Variants in PLPPR5 observed in about 807,000 individuals in gnomAD.
The protein encoded by PLPPR5 is phospholipid phosphatase-related protein type 5.
In PLPPR5, 16 loss-of-function variants were observed where a neutral mutation model predicts 33.9. The observed-to-expected ratio is 0.47, with a 90% confidence interval of 0.32 to 0.72. The LOEUF (loss-of-function observed/expected upper bound fraction) is 0.72, where lower values mean the gene tolerates loss of function less well. Ranked by LOEUF, PLPPR5 falls within the 30% of genes least tolerant of loss-of-function variation. The probability of loss-of-function intolerance (pLI) is 0.03; values close to 1 mark genes in which losing one functional copy is unlikely to be tolerated. For synonymous variants in PLPPR5, 163 were observed against 150.3 expected (o/e 1.08, Z -0.62); for missense variants, 301 against 406.7 (o/e 0.74, Z 2.23).
chr1:99,004,297 G>A, intron 1 of PLPPR5, 138 bp downstream of exon 1: 1 of 734,660 alleles, frequency 1.4e-6, no homozygotes, highest in Non-Finnish European at 2.2e-6. Flanking sequence ...AATGTCCTCT[G>A]GGGAAGGGGC....
chr1:98,952,646 T>G (rs979215738), intron 3 of PLPPR5, among the ~76,000 whole-genome samples: 4 of 152,160 alleles, frequency 2.6e-5, no homozygotes, highest in African/African-American at 9.7e-5. Context: ...CCTGTAATAA[T>G]AGTGCTTTCT....
At chr1:98,981,629 C>T (rs1430587746) in intron 1 of PLPPR5, among the ~76,000 whole-genome samples, 3 of 152,030 alleles carry the variant, frequency 2.0e-5, no homozygotes, top group African/African-American at 7.2e-5. Flanking sequence ...ATCTAGAACC[C>T]ATTACACACA....
rs766778481 is a variant in PLPPR5 at position 98,914,919 on chromosome 1, A to G, written c.800T>C (p.Val267Ala). ...TTTGAAATTATTCACCACGCACACA[A>G]CCTAAAATTTCAGAAGACAATTACA... is the stretch of plus-strand genomic sequence containing the variant. ...LVGISIAVFL[V>A]VCVVNNFKGR... Residue 267 changes from valine (V) to alanine (A), a missense_variant and splice_region_variant, in exon 5 of 6, where the codon GTT (valine) becomes GCT (alanine). Val to Ala is a moderately conservative substitution (Grantham distance 64). Coordinates refer to ENST00000263177, the MANE Select transcript of PLPPR5 (RefSeq NM_001037317.2). 18 of 1,609,440 alleles carry G rather than the reference A, an allele frequency of 1.1e-5. No individual in the cohort carries two copies. The South Asian group carries it at 1.3e-4, about 12-fold the overall frequency.
chr1:98,944,995 C>T (rs1356884795), intron 3 of PLPPR5, among the ~76,000 whole-genome samples: 1 of 152,170 alleles, frequency 6.6e-6, no homozygotes. Flanking sequence ...CAGAGCTGCT[C>T]ATTATAAGTT....
At chr1:98,977,978 C>T (rs746965557) in intron 1 of PLPPR5, among the ~76,000 whole-genome samples, 1 of 151,894 alleles carries the variant, frequency 6.6e-6, no homozygotes, top group Non-Finnish European at 1.5e-5. Context: ...ATCAAACTAC[C>T]TCTGGTGGTA....
At chr1:98,932,299 A>C (rs921897354) in intron 3 of PLPPR5, among the ~76,000 whole-genome samples, 1 of 152,194 alleles carries the variant, frequency 6.6e-6, no homozygotes, top group Non-Finnish European at 1.5e-5. Flanking sequence ...AACTCTGTGT[A>C]TGACATGATT....
chr1:98,939,909 T>C (rs1650311749), intron 3 of PLPPR5, among the ~76,000 whole-genome samples: 1 of 151,934 alleles, frequency 6.6e-6, no homozygotes, highest in Non-Finnish European at 1.5e-5. Flanking sequence ...TTCTATTATT[T>C]ATCGTAGAGA....
intron 5 of PLPPR5, 149 bp from the exon 6 acceptor site, chr1:98,893,253 T>A: frequency 1.6e-6 from 1 of 615,166 alleles, no homozygotes; most frequent in South Asian, 3.0e-5. Context: ...TTTTATGTAT[T>A]ATTACACAAT....
chr1:98,976,649 G>T (rs549986652), intron 1 of PLPPR5, among the ~76,000 whole-genome samples: 1 of 152,000 alleles, frequency 6.6e-6, no homozygotes, highest in Non-Finnish European at 1.5e-5. Flanking sequence ...GAGGTGTGCT[G>T]TAAGTGCAAA....
rs1362679275 is a variant in PLPPR5 at position 99,004,770 on chromosome 1, G to A, written c.-99C>T. On this transcript the variant is annotated 5_prime_UTR_variant, in exon 1 of 6. Transcript: ENST00000263177. Reference sequence around the variant, plus strand: ...AGGCAGCCACCGGGGGCGCGGCGGCGGAGGCGGCGGGAGGACGAGGCACGG... The same window carrying A: ...AGGCAGCCACCGGGGGCGCGGCGGCAGAGGCGGCGGGAGGACGAGGCACGG... The A allele has an allele frequency of 2.0e-5, 13 of 665,840 alleles. No individual in the cohort carries two copies. In the East Asian group the frequency reaches 6.2e-4, roughly 32 times the overall value. The allele number at this position is 665,840 out of a possible 1,614,324, so 41.2% of individuals were successfully genotyped here. A position where few individuals can be genotyped will look rare whatever the true frequency, so the allele number is the denominator to read the frequency against.
chr1:98,966,564 T>C (rs191229934), intron 1 of PLPPR5, among the ~76,000 whole-genome samples: 43 of 152,178 alleles, frequency 2.8e-4, no homozygotes, highest in African/African-American at 8.2e-4. Context: ...GTTATAATTG[T>C]GGGGATGTGG....
At chr1:98,957,754 G>A (rs1175177609) in intron 1 of PLPPR5, among the ~76,000 whole-genome samples, 1 of 152,130 alleles carries the variant, frequency 6.6e-6, no homozygotes, top group South Asian at 2.1e-4. Context: ...TATGAAACTA[G>A]GAATAGCATC....
At chr1:98,898,429 G>T (rs1825128) in intron 5 of PLPPR5, among the ~76,000 whole-genome samples, 151,649 of 152,246 alleles carry the variant, frequency 1, 75,530 homozygotes, top group Middle Eastern at 1. Context: ...CTTCTTTAAC[G>T]CATTCACTTG....
intron 5 of PLPPR5, among the ~76,000 whole-genome samples, chr1:98,904,248 A>G (rs1648809321): frequency 6.9e-6 from 1 of 145,386 alleles, no homozygotes; most frequent in African/African-American, 2.5e-5. Context: ...AACTATTCCT[A>G]TCATTACTTT....
At chr1:98,896,831 A>G (rs1241884680) in intron 5 of PLPPR5, among the ~76,000 whole-genome samples, 1 of 149,516 alleles carries the variant, frequency 6.7e-6, no homozygotes, top group African/African-American at 2.4e-5. Flanking sequence ...TAGAAAATAC[A>G]GTCTGTAATT....
intron 3 of PLPPR5, among the ~76,000 whole-genome samples, chr1:98,931,791 C>T (rs1236438004): frequency 1.3e-5 from 2 of 151,872 alleles, no homozygotes; most frequent in African/African-American, 4.8e-5. Context: ...GTGAAGGATT[C>T]GTATTAAAAG....
chr1:99,004,576 A>G lies in PLPPR5; in HGVS notation c.96T>C (p.Tyr32=). The G allele has an allele frequency of 1.2e-6, 2 of 1,613,006 alleles. No homozygotes were observed. The highest frequency in any genetic ancestry group is 1.1e-5 in the South Asian group (1 of 91,086). ...GCACGTTCACGGTGAACGTGTCCGTATACTCGAAGTAGTACGCCAGCATCA... is the reference window on the plus strand; with the variant it reads ...GCACGTTCACGGTGAACGTGTCCGTGTACTCGAAGTAGTACGCCAGCATCA... The part of the protein sequence containing the change: ...GTVMLAYYFE[Y]TDTFTVNVQG... The change falls in exon 1 of 6, where the codon TAT becomes TAC. Residue 32 remains tyrosine (Y), a synonymous_variant. Transcript: ENST00000263177.
At chr1:98,986,720 T>C (rs1652277349) in intron 1 of PLPPR5, among the ~76,000 whole-genome samples, 1 of 151,854 alleles carries the variant, frequency 6.6e-6, no homozygotes, top group Non-Finnish European at 1.5e-5. Flanking sequence ...AATTAGAAGG[T>C]AACTCTTTAT....
intron 1 of PLPPR5, among the ~76,000 whole-genome samples, chr1:98,963,548 T>C (rs11166149): frequency 0.095 from 14,506 of 152,202 alleles, 851 homozygotes; most frequent in East Asian, 0.25. Flanking sequence ...AGATTGAACA[T>C]GCCTGAGTCA....
Sources: gnomAD v4.1 joint callset for allele counts (sites outside exome capture counted in the v4.1 genomes callset) on GRCh38, gnomAD v4.1.1 for gene constraint, MANE v1.5 for transcripts, NCBI Gene and HGNC (gene_info 2026-07-23, HGNC 2026-07-21) for gene names.